The following ACVR2A variants were observed in gnomAD, a reference collection of about 807,000 sequenced individuals.
ACVR2A encodes activin A receptor type 2A, also known as activin receptor type-2A.
A neutral mutation model predicts 61.4 loss-of-function variants in ACVR2A; 7 were observed. The observed-to-expected ratio is 0.11, with a 90% CI of 0.06 to 0.21. ACVR2A has a LOEUF of 0.21. Among genes scored for constraint, ACVR2A ranks in the 10% least tolerant of loss-of-function variants. The pLI, the probability that ACVR2A is intolerant of heterozygous loss-of-function variation, is 1.00. For missense variants in ACVR2A, 322 were observed against 621.7 expected (o/e 0.52, Z 5.13); for synonymous variants, 193 against 208.3 (o/e 0.93, Z 0.63).
chr2:147,918,297 C>G (rs545853312), intron 6 of ACVR2A, 150 bp from the exon 7 acceptor site: 2 of 523,074 alleles, frequency 3.8e-6, no homozygotes, highest in South Asian at 1.3e-4. Context: ...GAAATTTGAA[C>G]CATTTGAACC....
intron 1 of ACVR2A, among the ~76,000 whole-genome samples, chr2:147,867,453 A>G (rs538667536): frequency 2.7e-4 from 41 of 152,174 alleles, no homozygotes; most frequent in African/African-American, 9.4e-4. Flanking sequence ...AGCAATTACT[A>G]AGTTCTGTCA....
intron 4 of ACVR2A, among the ~76,000 whole-genome samples, chr2:147,902,588 T>G (rs186271737): frequency 6.6e-6 from 1 of 152,042 alleles, no homozygotes. Context: ...GAAGGGCATA[T>G]TCATGTGTTT....
chr2:147,920,446 T>C, intron 8 of ACVR2A, 102 bp downstream of exon 8: 2 of 840,292 alleles, frequency 2.4e-6, no homozygotes, highest in Middle Eastern at 2.4e-4. Context: ...TTGTGGTGTT[T>C]AAATCAGCAT....
chr2:147,902,837 T>C (rs1299798689), intron 4 of ACVR2A: 1 of 152,036 alleles, frequency 6.6e-6, no homozygotes, highest in Non-Finnish European at 1.5e-5. Context: ...ATTTCAACTT[T>C]ACATCAGTTA....
chr2:147,871,112 A>G (rs1686002178), intron 1 of ACVR2A, among the ~76,000 whole-genome samples: 1 of 152,092 alleles, frequency 6.6e-6, no homozygotes, highest in Admixed American at 6.6e-5. Context: ...CTGAGCATTT[A>G]GATACGGTTA....
chr2:147,926,104 A>G lies in ACVR2A; in HGVS notation c.1290A>G (p.Glu430=). Residue 430 remains glutamate, a synonymous_variant, in exon 10 of 11, where the codon GAA becomes GAG. Coordinates refer to ENST00000241416, the MANE Select transcript of ACVR2A (RefSeq NM_001616.5). ...GQHPSLEDMQ[E]VVVHKKKRPV... ...ATCCATCTCTTGAAGACATGCAGGAAGTTGTTGTGCATAAAAAAAAGAGGC... is the reference window on the plus strand; with the variant it reads ...ATCCATCTCTTGAAGACATGCAGGAGGTTGTTGTGCATAAAAAAAAGAGGC... 6.2e-7 allele frequency: 1 copy of G among 1,612,186 alleles called. No homozygotes were observed. Among genetic ancestry groups the G allele is most frequent in the East Asian group, 2.2e-5 (1 of 44,842 alleles).
intron 1 of ACVR2A, among the ~76,000 whole-genome samples, chr2:147,890,440 A>G (rs879633385): frequency 7.9e-5 from 12 of 152,000 alleles, no homozygotes; most frequent in Non-Finnish European, 1.3e-4. Flanking sequence ...GTATATTTAT[A>G]TATATTCTCA....
intron 1 of ACVR2A, among the ~76,000 whole-genome samples, chr2:147,895,123 C>T (rs1030278518): frequency 2.0e-4 from 31 of 152,100 alleles, no homozygotes; most frequent in East Asian, 7.7e-4. Flanking sequence ...ATAAAATATA[C>T]GCACATCTAT....
intron 1 of ACVR2A, among the ~76,000 whole-genome samples, chr2:147,870,427 G>A (rs1448941031): frequency 6.6e-6 from 1 of 152,046 alleles, no homozygotes; most frequent in African/African-American, 2.4e-5. Context: ...AATTTAACAT[G>A]CCACTTCTGA....
chr2:147,893,660 T>C (rs562971187), intron 1 of ACVR2A, among the ~76,000 whole-genome samples: 1 of 152,202 alleles, frequency 6.6e-6, no homozygotes, highest in Non-Finnish European at 1.5e-5. Flanking sequence ...TCAAAAAAAA[T>C]TTTTATTCTT....
At position 147,845,602 on chromosome 2, in the gene ACVR2A, G is replaced by T. The variant is rs543233584; in HGVS notation, c.55+395G>T. Among the ~76,000 whole-genome samples, 7 of 152,212 alleles carry T rather than the reference G, an allele frequency of 4.6e-5. No homozygotes were observed. The Middle Eastern group carries it at 0.01, about 222-fold the overall frequency. ...TTAGTGTGGGCTCCTCCAAAACAAG[G>T]GTTGCTTTTTGTCATCGTTTAATTA... On this transcript the variant is annotated intron_variant, in intron 1 of 10. Coordinates refer to ENST00000241416, the MANE Select transcript of ACVR2A (RefSeq NM_001616.5).
intron 1 of ACVR2A, among the ~76,000 whole-genome samples, chr2:147,879,273 C>T (rs965031828): frequency 6.6e-6 from 1 of 152,024 alleles, no homozygotes; most frequent in Non-Finnish European, 1.5e-5. Context: ...ACTCCAAGAT[C>T]AAGGCAAAGG....
chr2:147,913,901 T>G (rs1013427599), intron 4 of ACVR2A, among the ~76,000 whole-genome samples: 1 of 149,642 alleles, frequency 6.7e-6, no homozygotes, highest in African/African-American at 2.4e-5. Context: ...ATCTTACTGT[T>G]TAAACAGGAA....
At chr2:147,880,450 A>G (rs1686273306) in intron 1 of ACVR2A, among the ~76,000 whole-genome samples, 1 of 152,136 alleles carries the variant, frequency 6.6e-6, no homozygotes, top group African/African-American at 2.4e-5. Context: ...CTCTTTCCAG[A>G]GGTATTAACA....
At chr2:147,867,653 G>C (rs1685897888) in intron 1 of ACVR2A, among the ~76,000 whole-genome samples, 1 of 152,088 alleles carries the variant, frequency 6.6e-6, no homozygotes, top group Admixed American at 6.5e-5. Context: ...CTCTTTGCTA[G>C]AAACCGTGGA....
chr2:147,847,219 T>C (rs934080663), intron 1 of ACVR2A, among the ~76,000 whole-genome samples: 3 of 152,140 alleles, frequency 2.0e-5, no homozygotes, highest in Non-Finnish European at 4.4e-5. Context: ...AAGATGAACA[T>C]TCCCAGTTGA....
intron 4 of ACVR2A, among the ~76,000 whole-genome samples, chr2:147,907,970 C>T (rs1302848543): frequency 9.7e-5 from 14 of 144,964 alleles, no homozygotes; most frequent in East Asian, 2.1e-4. Flanking sequence ...ACCTGGGAGG[C>T]GGAGCTTGCA....
chr2:147,873,540 T>A (rs1264252034), intron 1 of ACVR2A, among the ~76,000 whole-genome samples: 1 of 151,868 alleles, frequency 6.6e-6, no homozygotes, highest in Non-Finnish European at 1.5e-5. Context: ...GAGCATTTGG[T>A]GAAATTGTGA....
intron 1 of ACVR2A, among the ~76,000 whole-genome samples, chr2:147,856,836 C>G (rs1448300636): frequency 6.6e-6 from 1 of 152,086 alleles, no homozygotes; most frequent in Non-Finnish European, 1.5e-5. Context: ...TATAACAAAT[C>G]TTTCTTGGTA....
Sources: allele counts gnomAD v4.1 joint callset (sites outside exome capture counted in the v4.1 genomes callset), GRCh38; gene constraint gnomAD v4.1.1; transcripts MANE v1.5; gene names NCBI Gene and HGNC (gene_info 2026-07-23, HGNC 2026-07-21).